Variants in PLAC8L1 observed in about 807,000 individuals in gnomAD.
PLAC8L1 encodes the protein PLAC8 like 1.
In PLAC8L1, 13 loss-of-function variants were observed where a neutral mutation model predicts 16.3. The ratio of observed to expected loss-of-function variants is 0.80; its 90% CI spans 0.52 to 1.27. The LOEUF (loss-of-function observed/expected upper bound fraction) is 1.27. Ranked by LOEUF, PLAC8L1 falls within the 50% of genes most tolerant of loss-of-function variation. PLAC8L1 has a pLI of 0.00. For missense variants in PLAC8L1, 184 were observed against 220.2 expected, an observed-to-expected ratio of 0.84 and a Z score of 1.04; for synonymous variants, 78 against 79.3, an observed-to-expected ratio of 0.98 and a Z score of 0.09.
In PLAC8L1 at chr5:146,104,359, C is replaced by A. The variant is rs1460929994; in HGVS notation, c.-48G>T. The A allele has an allele frequency of 6.9e-7, 1 of 1,443,816 alleles. No individual in the cohort carries two copies. Among genetic ancestry groups the A allele is most frequent in the Admixed American group, 1.7e-5 (1 of 58,712 alleles). The allele number at this position is 1,443,816 out of a possible 1,614,324, so 89.4% of individuals were successfully genotyped here. A position where few individuals can be genotyped will look rare whatever the true frequency, so the allele number is the denominator to read the frequency against. The stretch of plus-strand genomic sequence containing the variant: ...TTTGGGCTATCCTTTTTCCCTTTGG[C>A]AATAAGCTGGTTTCTAAACTTCGGA... On this transcript the variant is annotated 5_prime_UTR_variant, in exon 1 of 4. Coordinates refer to ENST00000311450, the MANE Select transcript of PLAC8L1 (RefSeq NM_001029869.3).
chr5:146,098,681 C>T (rs1399710397), intron 1 of PLAC8L1, among the ~76,000 whole-genome samples: 2 of 152,216 alleles, frequency 1.3e-5, no homozygotes, highest in Admixed American at 1.3e-4. Context: ...GATGAAAAAA[C>T]TACCTCATGA....
In PLAC8L1 at chr5:146,104,192, C is replaced by T; in HGVS notation, c.119+1G>A. On this transcript the variant is annotated splice_donor_variant, in intron 1 of 3. Coordinates refer to ENST00000311450, the MANE Select transcript of PLAC8L1 (RefSeq NM_001029869.3). LOFTEE classifies it high-confidence loss of function. ...GGGGAAAAACTCACCCTATTCCCTA[C>T]CTCAAGTTGGAAATAAAATGTTCAT... The T allele has an allele frequency of 1.2e-6, 2 of 1,613,320 alleles. No individual in the cohort carries two copies. The highest frequency in any genetic ancestry group is 1.7e-6 in the Non-Finnish European group (2 of 1,179,580).
At chr5:146,094,910 T>C (rs1763685017) in intron 2 of PLAC8L1, among the ~76,000 whole-genome samples, 2 of 152,326 alleles carry the variant, frequency 1.3e-5, no homozygotes, top group Admixed American at 1.3e-4. Flanking sequence ...GAATCTGGCA[T>C]GGAACAGTCA....
intron 2 of PLAC8L1, among the ~76,000 whole-genome samples, chr5:146,090,824 G>A (rs753826092): frequency 6.6e-6 from 1 of 152,198 alleles, no homozygotes; most frequent in East Asian, 1.9e-4. Context: ...AGGCTGAAGA[G>A]GGCAGATCAC....
At chr5:146,098,398 C>A in intron 1 of PLAC8L1, 106 bp from the exon 2 acceptor site, 2 of 1,113,892 alleles carry the variant, frequency 1.8e-6, no homozygotes, top group Non-Finnish European at 2.5e-6. Flanking sequence ...CCAATGATGC[C>A]AAGGGGCTCA....
intron 1 of PLAC8L1, among the ~76,000 whole-genome samples, chr5:146,099,689 G>C (rs1052540313): frequency 5.4e-5 from 8 of 148,190 alleles, no homozygotes; most frequent in Non-Finnish European, 1.0e-4. Flanking sequence ...AAAAGTTGTT[G>C]CAGTAATAGT....
In PLAC8L1 at chr5:146,104,282, C is replaced by T. The variant is rs200158648; in HGVS notation, c.30G>A (p.Arg10=). The part of the protein sequence containing the change: MNWFGSNFF[R]CPEDLSLLNI... Reference sequence around the variant, plus strand: ...TGAGTAAGGAAAGATCCTCAGGACACCTGAAGAAGTTACTTCCAAACCAAT... The same window carrying T: ...TGAGTAAGGAAAGATCCTCAGGACATCTGAAGAAGTTACTTCCAAACCAAT... The change falls in exon 1 of 4, where the codon AGG becomes AGA. Residue 10 remains arginine, a synonymous_variant. Coordinates refer to ENST00000311450, the MANE Select transcript of PLAC8L1 (RefSeq NM_001029869.3). 1.1e-4 allele frequency: 182 copies of T among 1,613,110 alleles called. No individual in the cohort carries two copies. Among genetic ancestry groups the T allele is most frequent in the Non-Finnish European group, 1.9e-5 (22 of 1,179,254 alleles).
At chr5:146,087,148 C>A (rs1360977432) in intron 2 of PLAC8L1, among the ~76,000 whole-genome samples, 4 of 152,146 alleles carry the variant, frequency 2.6e-5, no homozygotes, top group African/African-American at 9.7e-5. Flanking sequence ...TTGTATCTGG[C>A]TTCTTTCGTT....
intron 2 of PLAC8L1, among the ~76,000 whole-genome samples, chr5:146,096,174 G>C (rs1272711824): frequency 6.6e-6 from 1 of 152,232 alleles, no homozygotes; most frequent in Admixed American, 6.5e-5. Flanking sequence ...GCAATCGTTG[G>C]TGCTCCTTGG....
At chr5:146,092,997 T>C (rs1254283069) in intron 2 of PLAC8L1, among the ~76,000 whole-genome samples, 1 of 152,030 alleles carries the variant, frequency 6.6e-6, no homozygotes, top group Non-Finnish European at 1.5e-5. Flanking sequence ...GTGTTTACAG[T>C]GCTACCACTT....
At chr5:146,098,445 C>T (rs560475786) in intron 1 of PLAC8L1, among the ~76,000 whole-genome samples, 153 bp from the exon 2 acceptor site, 1 of 152,284 alleles carries the variant, frequency 6.6e-6, no homozygotes, top group African/African-American at 2.4e-5. Context: ...CTCCCTCCTC[C>T]CCCTCCATCA....
intron 1 of PLAC8L1, among the ~76,000 whole-genome samples, chr5:146,099,658 C>CAAAAAAAA (rs10581890): frequency 1.1e-5 from 1 of 88,754 alleles, no homozygotes; most frequent in African/African-American, 5.2e-5. Context: ...GACTCCGTCT[C>CAAAAAAAA]AAAAAAAAAA....
Position 146,089,530 on chromosome 5 carries a change from C to A in PLAC8L1, c.257-3933G>T, listed in dbSNP as rs192139996. The stretch of plus-strand genomic sequence containing the variant: ...AGTAATTTGTCCAAATTCACACAAT[C>A]ATCAGTGAAAGGCAGAGGAGAGATT... On this transcript the variant is annotated intron_variant, in intron 2 of 3. Transcript: ENST00000311450. 3.0e-3 allele frequency among the ~76,000 whole-genome samples: 463 copies of A among 152,182 alleles called. 5 individuals carry two copies. Among genetic ancestry groups the A allele is most frequent in the Non-Finnish European group, 2.0e-3 (134 of 68,014 alleles).
intron 2 of PLAC8L1, among the ~76,000 whole-genome samples, chr5:146,095,572 A>T (rs1381098525): frequency 1.3e-5 from 2 of 152,176 alleles, no homozygotes; most frequent in African/African-American, 4.8e-5. Flanking sequence ...GCTGAAGGAT[A>T]ATTTTTTTTA....
chr5:146,102,040 C>T (rs1182808383), intron 1 of PLAC8L1, among the ~76,000 whole-genome samples: 3 of 130,490 alleles, frequency 2.3e-5, no homozygotes, highest in African/African-American at 8.3e-5. Context: ...TGTGTTTACC[C>T]TTTTTTTTTT....
In PLAC8L1 at chr5:146,093,112, G is replaced by A. The variant is rs545300888; in HGVS notation, c.256+5044C>T. On this transcript the variant is annotated intron_variant, in intron 2 of 3. Coordinates refer to ENST00000311450, the MANE Select transcript of PLAC8L1 (RefSeq NM_001029869.3). ...CCAAGAGCTGGGATTACAGGATGCT[G>A]TTTTTTCTTTTATAGTTTTTTGCAT... Among the ~76,000 whole-genome samples, 71 of 151,358 alleles carry A rather than the reference G, an allele frequency of 4.7e-4. 1 individual carries two copies. Among genetic ancestry groups the A allele is most frequent in the Admixed American group, 2.2e-3 (34 of 15,224 alleles).
chr5:146,097,732 T>G (rs1416000639), intron 2 of PLAC8L1, among the ~76,000 whole-genome samples: 1 of 152,254 alleles, frequency 6.6e-6, no homozygotes, highest in Admixed American at 6.5e-5. Context: ...CAAAATTTAA[T>G]GTTCCTGCTA....
chr5:146,087,420 G>A (rs1290319690), intron 2 of PLAC8L1, among the ~76,000 whole-genome samples: 1 of 152,168 alleles, frequency 6.6e-6, no homozygotes, highest in Non-Finnish European at 1.5e-5. Flanking sequence ...GTAGATATAC[G>A]TTTAACTTTG....
chr5:146,084,435 A>G lies in PLAC8L1; in HGVS notation c.531T>C (p.Val177=), dbSNP rs759549650. ...AGGAGGAGGAGTTATCTTGCTGTCA[A>G]ACCAGGGTGTCCTTAGTCATTGGGA... ...CAVPMTKDTL[V] Residue 177 remains valine, a synonymous_variant, in exon 4 of 4, where the codon GTT becomes GTC. Coordinates refer to ENST00000311450, the MANE Select transcript of PLAC8L1 (RefSeq NM_001029869.3). The G allele has an allele frequency of 6.2e-7, 1 of 1,613,918 alleles. No homozygotes were observed. The highest frequency in any genetic ancestry group is 8.5e-7 in the Non-Finnish European group (1 of 1,179,844).
Sources: allele counts gnomAD v4.1 joint callset (sites outside exome capture counted in the v4.1 genomes callset), GRCh38; gene constraint gnomAD v4.1.1; transcripts MANE v1.5; gene names NCBI Gene and HGNC (gene_info 2026-07-23, HGNC 2026-07-21).